Variants in ZNF385A observed in about 807,000 individuals in gnomAD.
The protein encoded by ZNF385A is hematopoietic zinc finger protein.
Under a neutral mutation model 32.1 loss-of-function variants are expected in ZNF385A, and 14 were observed. The observed-to-expected ratio is 0.44, with a 90% CI of 0.29 to 0.68. ZNF385A has a LOEUF of 0.68. Among genes scored for constraint, ZNF385A ranks in the 30% least tolerant of loss-of-function variants. The pLI is 0.14. For missense variants in ZNF385A, 406 were observed against 478.4 expected (o/e 0.85, Z 1.41); for synonymous variants, 197 against 202.7 (o/e 0.97, Z 0.24).
upstream of ZNF385A, among the ~76,000 whole-genome samples, chr12:54,388,713 A>T (rs1955558372): frequency 6.6e-6 from 1 of 151,840 alleles, no homozygotes; most frequent in Non-Finnish European, 1.5e-5. Flanking sequence ...AGAAATTCAG[A>T]TCTCTTCTCT....
At chr12:54,389,744 T>C (rs967204436) in intron 1 of ZNF385A, among the ~76,000 whole-genome samples, 30 of 152,076 alleles carry the variant, frequency 2.0e-4, no homozygotes, top group African/African-American at 5.3e-4. Flanking sequence ...TCCTGTGCTC[T>C]GGGGGACTGA....
At chr12:54,382,213 G>A (rs1382574670) in intron 1 of ZNF385A, among the ~76,000 whole-genome samples, 3 of 149,530 alleles carry the variant, frequency 2.0e-5, no homozygotes, top group Admixed American at 6.7e-5. Flanking sequence ...GAGTACAGGC[G>A]CCCGCCACCA....
chr12:54,384,616 C>G lies in ZNF385A; in HGVS notation c.-102G>C. The G allele has an allele frequency of 7.0e-7, 1 of 1,424,620 alleles. No individual in the cohort carries two copies. The highest frequency in any genetic ancestry group is 9.2e-7 in the Non-Finnish European group (1 of 1,091,868). The allele number at this position is 1,424,620 out of a possible 1,614,324, so 88.2% of individuals were successfully genotyped here. On this transcript the variant is annotated 5_prime_UTR_variant, in exon 1 of 7. Transcript: ENST00000394313. Reference sequence around the variant, plus strand: ...GGGTAGGAAGATTAAAGCTTGGGAACCCCACCCAAGCCTGCCAGTCCCACT... The same window carrying G: ...GGGTAGGAAGATTAAAGCTTGGGAAGCCCACCCAAGCCTGCCAGTCCCACT...
At chr12:54,389,878 C>T (rs1288691949) in intron 1 of ZNF385A, among the ~76,000 whole-genome samples, 1 of 151,998 alleles carries the variant, frequency 6.6e-6, no homozygotes. Flanking sequence ...TTCATGCCTT[C>T]GTTCAGTCAT....
intron 3 of ZNF385A, chr12:54,373,115 T>A: frequency 6.6e-6 from 1 of 151,712 alleles, no homozygotes; most frequent in Non-Finnish European, 1.4e-5. Flanking sequence ...TGTGCATCCC[T>A]GAGGGGGTTC....
chr12:54,375,959 G>T lies in ZNF385A; in HGVS notation c.88-5C>A, dbSNP rs1176752383. 1.9e-6 allele frequency: 3 copies of T among 1,613,180 alleles called. No individual in the cohort carries two copies. The highest frequency in any genetic ancestry group is 2.5e-6 in the Non-Finnish European group (3 of 1,179,190). On this transcript the variant is annotated splice_region_variant and splice_polypyrimidine_tract_variant and intron_variant, in intron 1 of 6. Transcript: ENST00000394313. Reference sequence around the variant, plus strand: ...AGCCTTCTGCACAGGGTCCATCTGTGGAGGCAGGCTGGGGTGAGCCGGGAA... The same window carrying T: ...AGCCTTCTGCACAGGGTCCATCTGTTGAGGCAGGCTGGGGTGAGCCGGGAA...
chr12:54,387,375 C>T (rs1354810031), upstream of ZNF385A, among the ~76,000 whole-genome samples: 1 of 152,176 alleles, frequency 6.6e-6, no homozygotes, highest in Non-Finnish European at 1.5e-5. Context: ...ATCTACTTCC[C>T]AGATTCCTGG....
chr12:54,376,999 C>G (rs1477297446), intron 1 of ZNF385A, among the ~76,000 whole-genome samples: 1 of 152,110 alleles, frequency 6.6e-6, no homozygotes, highest in Non-Finnish European at 1.5e-5. Flanking sequence ...GTGGAGGGAT[C>G]AAGTGAAAAA....
intron 1 of ZNF385A, chr12:54,379,272 C>A (rs1450253381): frequency 1.0e-5 from 9 of 875,144 alleles, no homozygotes; most frequent in Non-Finnish European, 1.1e-5. Context: ...AGGACGGGGG[C>A]GGGGACAGGG....
chr12:54,370,838 A>C lies in ZNF385A; in HGVS notation c.774+89T>G, dbSNP rs1189557024. On this transcript the variant is annotated intron_variant, in intron 5 of 6. Coordinates refer to ENST00000394313, the MANE Select transcript of ZNF385A (RefSeq NM_015481.3). This position sits in a 1 kb window ranked among gnomAD's most constrained non-coding sequence, Gnocchi z 5.5. Reference sequence around the variant, plus strand: ...ATCTGGCCCCCTGGGGAAAACTCTGAAGAAGGGCCTTTACTCAAGCTCCTT... The same window carrying C: ...ATCTGGCCCCCTGGGGAAAACTCTGCAGAAGGGCCTTTACTCAAGCTCCTT... The C allele has an allele frequency of 6.2e-7, 1 of 1,604,960 alleles. No individual in the cohort carries two copies.
rs1272851555 is a variant in ZNF385A, at chr12:54,370,770, C to G, written c.775-49G>C. ...GCTGTGAGCTCCCGGAAAGGGGCAA[C>G]AGCGAGGGAGTATAATCAAGCTCCA... On this transcript the variant is annotated intron_variant, in intron 5 of 6. Coordinates refer to ENST00000394313, the MANE Select transcript of ZNF385A (RefSeq NM_015481.3). This position sits in a 1 kb window ranked among gnomAD's most constrained non-coding sequence, Gnocchi z 5.5. 5 of 1,579,116 alleles carry G rather than the reference C, an allele frequency of 3.2e-6. No individual in the cohort carries two copies. The highest frequency in any genetic ancestry group is 4.3e-6 in the Non-Finnish European group (5 of 1,165,362).
Position 54,370,149 on chromosome 12 carries a change from A to AC in ZNF385A, c.*106_*107insG. 1 of 703,960 alleles carries AC rather than the reference A, an allele frequency of 1.4e-6. No individual in the cohort carries two copies. The highest frequency in any genetic ancestry group is 2.1e-5 in the African/African-American group (1 of 47,412). The allele number at this position is 703,960 out of a possible 1,614,324, so 43.6% of individuals were successfully genotyped here. A position where few individuals can be genotyped will look rare whatever the true frequency, so the allele number is the denominator to read the frequency against. The stretch of plus-strand genomic sequence containing the variant: ...CCGTATCTCGGGGTGGGGGGGGGGA[A>AC]GGAGAGATCATTTAGGGAGTGCCGG... On this transcript the variant is annotated 3_prime_UTR_variant, in exon 7 of 7. Coordinates refer to ENST00000394313, the MANE Select transcript of ZNF385A (RefSeq NM_015481.3). The surrounding 1 kb of genome is among the most constrained non-coding windows in gnomAD (Gnocchi z 5.5).
At chr12:54,376,796 T>A (rs981949095) in intron 1 of ZNF385A, among the ~76,000 whole-genome samples, 2 of 152,222 alleles carry the variant, frequency 1.3e-5, no homozygotes, top group Non-Finnish European at 2.9e-5. Flanking sequence ...TCTCTGAGGC[T>A]TTCTGCTATC....
Position 54,370,590 on chromosome 12 carries a change from C to T in ZNF385A, c.870+36G>A, listed in dbSNP as rs772308361. ...GTCCCTCTCTCCTCCCCGCCCGCGC[C>T]CTCCCACTGCTGAATTCCCAGCATC... is the stretch of plus-strand genomic sequence containing the variant. On this transcript the variant is annotated intron_variant, in intron 6 of 6. Transcript: ENST00000394313. The surrounding 1 kb of genome is among the most constrained non-coding windows in gnomAD (Gnocchi z 5.5). 22 of 1,569,976 alleles carry T rather than the reference C, an allele frequency of 1.4e-5. No individual in the cohort carries two copies. Among genetic ancestry groups the T allele is most frequent in the Non-Finnish European group, 1.2e-5 (14 of 1,157,356 alleles).
At chr12:54,385,564 A>G (rs1446177133), upstream of ZNF385A, 7 of 906,736 alleles carry the variant, frequency 7.7e-6, no homozygotes, top group Non-Finnish European at 9.2e-6. Flanking sequence ...CCAGGAACAA[A>G]GGCAAACCGA....
chr12:54,384,951 C>T (rs571503253), upstream of ZNF385A: 371 of 1,013,480 alleles, frequency 3.7e-4, no homozygotes, highest in Non-Finnish European at 4.2e-4. Flanking sequence ...CCCAGGGGAT[C>T]CTAAAGCTTG....
upstream of ZNF385A, among the ~76,000 whole-genome samples, chr12:54,387,195 G>A (rs1157934585): frequency 6.6e-6 from 1 of 152,208 alleles, no homozygotes; most frequent in Non-Finnish European, 1.5e-5. Flanking sequence ...CCAGAGGAGG[G>A]ATAGAGGAAA....
chr12:54,375,920 G>A lies in ZNF385A; in HGVS notation c.122C>T (p.Thr41Ile), dbSNP rs1203093040. 6.2e-7 allele frequency: 1 copy of A among 1,614,164 alleles called. No homozygotes were observed. Among genetic ancestry groups the A allele is most frequent in the Admixed American group, 1.7e-5 (1 of 60,022 alleles). Residue 41 changes from threonine to isoleucine, a missense_variant, in exon 2 of 7, where the codon ACT (threonine) becomes ATT (isoleucine). Transcript: ENST00000394313. ...GGTCTTGAGCAAGGGTCCCCCAAAAGTGTGGGAGAGCACAGCCTTCTGCAC... is the reference window on the plus strand; with the variant it reads ...GGTCTTGAGCAAGGGTCCCCCAAAAATGTGGGAGAGCACAGCCTTCTGCAC... Reference protein sequence around the residue: ...DPVQKAVLSHTFGGPLLKTKR... With the variant: ...DPVQKAVLSHIFGGPLLKTKR...
At chr12:54,375,701 C>T in intron 2 of ZNF385A, 143 bp downstream of exon 2, 1 of 704,142 alleles carries the variant, frequency 1.4e-6, no homozygotes. Flanking sequence ...TGCGGTATCC[C>T]CATTCCCTGC....
Sources: gnomAD v4.1 joint callset for allele counts (sites outside exome capture counted in the v4.1 genomes callset) on GRCh38, gnomAD v4.1.1 for gene constraint, Gnocchi (gnomAD v3.1) non-coding constraint, MANE v1.5 for transcripts, NCBI Gene and HGNC (gene_info 2026-07-23, HGNC 2026-07-21) for gene names.